Variants in STAB2 observed in about 807,000 individuals in gnomAD.
STAB2 encodes the protein stabilin-2.
STAB2 carries 288 observed loss-of-function variants against 338.1 expected under a neutral mutation model. The observed-to-expected ratio is 0.85, with a 90% confidence interval of 0.77 to 0.94. The LOEUF is 0.94. STAB2 is among the 40% of genes least tolerant of loss of function. The pLI is 0.00. For synonymous variants in STAB2, 1,202 were observed against 1,193.3 expected (o/e 1.01, Z -0.15); for missense variants, 3,141 against 3,210.1 (o/e 0.98, Z 0.52).
rs1883054064 is a variant in STAB2 at position 103,746,599 on chromosome 12, T to C, written c.6139T>C (p.Leu2047=). The C allele has an allele frequency of 1.2e-6, 2 of 1,614,018 alleles. No individual in the cohort carries two copies. The highest frequency in any genetic ancestry group is 8.5e-7 in the Non-Finnish European group (1 of 1,179,882). ...TGPSCDTQAV[L]PAVCTPPCSA... ...GAAAGTGGCCCCTTTCTTTGCAGTT[T>C]TGCCTGCAGTGTGTACGCCTCCTTG... The change falls in exon 58 of 69, where the codon TTG becomes CTG. Residue 2047 remains leucine (L), a splice_region_variant and synonymous_variant. Coordinates refer to ENST00000388887, the MANE Select transcript of STAB2 (RefSeq NM_017564.10).
intron 44 of STAB2, among the ~76,000 whole-genome samples, chr12:103,722,231 G>A (rs12370734): frequency 0.24 from 37,133 of 152,070 alleles, 6,659 homozygotes; most frequent in African/African-American, 0.51. Context: ...AAGTACTTAC[G>A]GAGAAGCCTC....
At chr12:103,726,536 T>G (rs1053591005) in intron 46 of STAB2, among the ~76,000 whole-genome samples, 1 of 152,088 alleles carries the variant, frequency 6.6e-6, no homozygotes, top group Non-Finnish European at 1.5e-5. Flanking sequence ...CAGGATAAAC[T>G]GGTGGCCTCT....
chr12:103,670,598 G>A (rs1593209913), intron 21 of STAB2, 98 bp from the exon 22 acceptor site: 1 of 929,468 alleles, frequency 1.1e-6, no homozygotes, highest in Middle Eastern at 2.1e-4. Flanking sequence ...GTCATGTCAA[G>A]TGGGATTTAA....
At chr12:103,747,995 CA>C (rs57369480) in intron 58 of STAB2, among the ~76,000 whole-genome samples, 12,476 of 96,110 alleles carry the variant, frequency 0.13, 379 homozygotes, top group East Asian at 0.28. Context: ...ACTCTGTCTC[CA>C]AAAAAAAAAA....
chr12:103,674,752 G>A (rs902327197), intron 23 of STAB2, among the ~76,000 whole-genome samples: 3 of 152,190 alleles, frequency 2.0e-5, no homozygotes, highest in African/African-American at 7.2e-5. Flanking sequence ...GAAATGCAGA[G>A]GATGTCTGGA....
intron 3 of STAB2, among the ~76,000 whole-genome samples, chr12:103,607,556 G>T (rs9668018): frequency 0.32 from 48,328 of 150,356 alleles, 9,942 homozygotes; most frequent in African/African-American, 0.58. Context: ...CCCACAACAG[G>T]CCCCAGTGTG....
intron 44 of STAB2, among the ~76,000 whole-genome samples, chr12:103,719,994 C>T (rs75256110): frequency 0.01 from 1,537 of 152,308 alleles, 22 homozygotes; most frequent in African/African-American, 0.035. Flanking sequence ...ACAGTGCAGA[C>T]GCCCTGTAAT....
At chr12:103,639,406 T>C (rs1336046867) in intron 8 of STAB2, among the ~76,000 whole-genome samples, 1 of 152,084 alleles carries the variant, frequency 6.6e-6, no homozygotes, top group Admixed American at 6.5e-5. Context: ...ATCATGGCAC[T>C]CAAAAATGTT....
intron 27 of STAB2, among the ~76,000 whole-genome samples, chr12:103,685,813 G>A (rs868207324): frequency 6.6e-6 from 1 of 152,014 alleles, no homozygotes; most frequent in African/African-American, 2.4e-5. Context: ...ATTTATTGAG[G>A]TAAAATATAC....
At position 103,669,569 on chromosome 12, in the gene STAB2, G is replaced by A; in HGVS notation, c.2201G>A (p.Gly734Glu). ...KIPKCCKGFYGPDCNQCPGGF... is the reference protein window; with the variant it reads ...KIPKCCKGFYEPDCNQCPGGF... ...CCAAAGTGCTGCAAAGGCTTCTATG[G>A]ACCTGACTGCAACCAGTGTCCAGGA... The change falls in exon 21 of 69, where the codon GGA (glycine) becomes GAA (glutamate). Residue 734 changes from glycine (G) to glutamate (E), a missense_variant. Physicochemically the swap from Gly to Glu is moderately conservative, Grantham distance 98 (BLOSUM62 -2). Transcript: ENST00000388887. 6.2e-7 allele frequency: 1 copy of A among 1,614,208 alleles called. No individual in the cohort carries two copies. Among genetic ancestry groups the A allele is most frequent in the Non-Finnish European group, 8.5e-7 (1 of 1,180,048 alleles).
At chr12:103,735,147 T>C (rs1432694379) in intron 51 of STAB2, among the ~76,000 whole-genome samples, 1 of 152,146 alleles carries the variant, frequency 6.6e-6, no homozygotes, top group Non-Finnish European at 1.5e-5. Context: ...GTGCCACCCA[T>C]AACTGCATCC....
chr12:103,758,076 T>A, intron 63 of STAB2, 94 bp from the exon 64 acceptor site: 3 of 1,562,446 alleles, frequency 1.9e-6, no homozygotes, highest in South Asian at 2.3e-5. Flanking sequence ...ACCATGAATA[T>A]TCACAGATGG....
intron 9 of STAB2, among the ~76,000 whole-genome samples, chr12:103,642,696 G>A (rs1176868259): frequency 6.6e-6 from 1 of 152,130 alleles, no homozygotes; most frequent in Non-Finnish European, 1.5e-5. Context: ...CCCTCTGCTG[G>A]CTACTCCAGG....
rs1049075313 is a variant in STAB2, at chr12:103,729,011, C to A, written c.5082+16C>A. On this transcript the variant is annotated intron_variant, in intron 48 of 68. Transcript: ENST00000388887. ...CGTCTCTCAGGTAGATGCCAGTTAT[C>A]CTTAGGTCCTCTCTCCCCTAGATCA... 1 of 1,612,756 alleles carries A rather than the reference C, an allele frequency of 6.2e-7. No individual in the cohort carries two copies. Among genetic ancestry groups the A allele is most frequent in the African/African-American group, 1.3e-5 (1 of 74,892 alleles).
At chr12:103,697,191 C>G (rs4981031) in intron 33 of STAB2, among the ~76,000 whole-genome samples, 40,350 of 152,072 alleles carry the variant, frequency 0.27, 6,065 homozygotes, top group East Asian at 0.46. Context: ...ATGTGTACCC[C>G]CTTTCAGCAT....
intron 27 of STAB2, among the ~76,000 whole-genome samples, chr12:103,686,834 C>T (rs528040101): frequency 3.9e-5 from 6 of 152,100 alleles, no homozygotes; most frequent in African/African-American, 9.7e-5. Flanking sequence ...GCAGTTTAGC[C>T]GCCACCTCCC....
At chr12:103,682,550 C>A (rs142385908) in intron 25 of STAB2, among the ~76,000 whole-genome samples, 235 of 152,314 alleles carry the variant, frequency 1.5e-3, no homozygotes, top group Middle Eastern at 0.01. Context: ...GGATACCCCA[C>A]AGCTTGCTTA....
intron 25 of STAB2, among the ~76,000 whole-genome samples, chr12:103,680,595 G>A (rs578102429): frequency 3.7e-4 from 57 of 152,324 alleles, no homozygotes; most frequent in African/African-American, 1.3e-3. Flanking sequence ...GACTCAGATT[G>A]AGTGCATCCA....
rs545951851 is a variant in STAB2, at chr12:103,664,300, C to T, written c.2022+1302C>T. ...CTGGGACTACAGGTGCCCTCCACCA[C>T]GCCCGGCTAATTTTTTTGTATTTTT... On this transcript the variant is annotated intron_variant, in intron 18 of 68. Coordinates refer to ENST00000388887, the MANE Select transcript of STAB2 (RefSeq NM_017564.10). 2.8e-3 allele frequency among the ~76,000 whole-genome samples: 431 copies of T among 152,192 alleles called. 1 individual carries two copies. Among genetic ancestry groups the T allele is most frequent in the Non-Finnish European group, 4.9e-3 (333 of 67,994 alleles).
Sources: allele counts gnomAD v4.1 joint callset (sites outside exome capture counted in the v4.1 genomes callset), GRCh38; gene constraint gnomAD v4.1.1; transcripts MANE v1.5; gene names NCBI Gene and HGNC (gene_info 2026-07-23, HGNC 2026-07-21).